Variants in MAN2A1 observed in about 807,000 individuals in gnomAD.
The protein encoded by MAN2A1 is alpha-mannosidase 2.
A neutral mutation model predicts 142.6 loss-of-function variants in MAN2A1; 76 were observed. The observed-to-expected ratio is 0.53, with a 90% CI of 0.44 to 0.65. The LOEUF (loss-of-function observed/expected upper bound fraction) is 0.65, where lower values mean the gene tolerates loss of function less well. Ranked by LOEUF, MAN2A1 falls within the 30% of genes least tolerant of loss-of-function variation. The pLI, the probability that MAN2A1 is intolerant of heterozygous loss-of-function variation, is 0.00. For synonymous variants in MAN2A1, 559 were observed against 473.2 expected (o/e 1.18, Z -2.35); for missense variants, 1,311 against 1,365.1 (o/e 0.96, Z 0.62).
At chr5:109,709,781 G>A (rs1452759650) in intron 1 of MAN2A1, among the ~76,000 whole-genome samples, 3 of 152,164 alleles carry the variant, frequency 2.0e-5, no homozygotes, top group Non-Finnish European at 4.4e-5. Context: ...CCTGAGCGGT[G>A]CAATGCTGTG....
chr5:109,751,207 T>A (rs562062735), intron 4 of MAN2A1, among the ~76,000 whole-genome samples: 1,575 of 142,778 alleles, frequency 0.011, 24 homozygotes, highest in African/African-American at 0.037. Context: ...TGAGATCAAC[T>A]TTTTTTTTTT....
intron 5 of MAN2A1, among the ~76,000 whole-genome samples, chr5:109,764,578 A>T (rs534016665): frequency 6.6e-6 from 1 of 152,106 alleles, no homozygotes; most frequent in Non-Finnish European, 1.5e-5. Flanking sequence ...CACTCCTTTC[A>T]TATCAAAGTT....
intron 12 of MAN2A1, among the ~76,000 whole-genome samples, chr5:109,814,261 G>T (rs977623956): frequency 3.3e-5 from 5 of 152,144 alleles, no homozygotes; most frequent in Non-Finnish European, 7.3e-5. Context: ...ATGATATTAT[G>T]ATATACTGAA....
At chr5:109,753,690 G>T (rs764406997) in intron 4 of MAN2A1, among the ~76,000 whole-genome samples, 9 of 152,064 alleles carry the variant, frequency 5.9e-5, no homozygotes, top group Non-Finnish European at 1.2e-4. Context: ...CATATGCTTT[G>T]TAGGAAAATA....
chr5:109,738,842 T>C (rs1242143955), intron 4 of MAN2A1, among the ~76,000 whole-genome samples: 1 of 152,100 alleles, frequency 6.6e-6, no homozygotes, highest in Non-Finnish European at 1.5e-5. Context: ...GAGACTTTTC[T>C]TTTAGTTTTT....
intron 4 of MAN2A1, among the ~76,000 whole-genome samples, chr5:109,732,532 T>G (rs980267664): frequency 6.6e-5 from 10 of 152,162 alleles, no homozygotes; most frequent in African/African-American, 2.4e-4. Flanking sequence ...CTTGAATTAA[T>G]TTTTGTATAA....
chr5:109,695,492 T>C (rs557801537), intron 1 of MAN2A1, among the ~76,000 whole-genome samples: 84 of 152,258 alleles, frequency 5.5e-4, no homozygotes, highest in Non-Finnish European at 1.0e-3. Context: ...GAGAGTTTCC[T>C]GGAATGAGTG....
intron 1 of MAN2A1, among the ~76,000 whole-genome samples, chr5:109,694,005 C>G (rs1750744780): frequency 6.6e-6 from 1 of 152,200 alleles, no homozygotes; most frequent in South Asian, 2.1e-4. Context: ...AATTAGTCAT[C>G]ACTTCTTACA....
intron 5 of MAN2A1, among the ~76,000 whole-genome samples, chr5:109,763,708 T>C (rs1752915832): frequency 6.6e-6 from 1 of 152,144 alleles, no homozygotes; most frequent in Non-Finnish European, 1.5e-5. Flanking sequence ...TTTTGGAGAC[T>C]GTTTTTACAT....
intron 1 of MAN2A1, among the ~76,000 whole-genome samples, chr5:109,710,412 T>C (rs1751265653): frequency 6.6e-6 from 1 of 152,250 alleles, no homozygotes; most frequent in African/African-American, 2.4e-5. Flanking sequence ...TCTAAAATGA[T>C]CTTTTCCTCA....
chr5:109,801,255 C>T (rs1754023361), intron 12 of MAN2A1, among the ~76,000 whole-genome samples: 1 of 152,144 alleles, frequency 6.6e-6, no homozygotes, highest in Admixed American at 6.5e-5. Context: ...TTCTTGTGAA[C>T]TCAGGATGGT....
In MAN2A1 at chr5:109,837,214, T is replaced by A. The variant is rs531954387; in HGVS notation, c.2567-5114T>A. ...TGCTGTGCAATAGAGTATCTGTCTT[T>A]AATATTAAATATGTATTACTTTCTT... On this transcript the variant is annotated intron_variant, in intron 16 of 21. Transcript: ENST00000261483. Among the ~76,000 whole-genome samples, 173 of 151,380 alleles carry A rather than the reference T, an allele frequency of 1.1e-3. 1 individual carries two copies. The highest frequency in any genetic ancestry group is 4.2e-3 in the African/African-American group (171 of 41,172).
intron 1 of MAN2A1, among the ~76,000 whole-genome samples, chr5:109,704,482 A>T (rs1430932825): frequency 6.6e-6 from 1 of 152,186 alleles, no homozygotes. Flanking sequence ...AAGGTTATTT[A>T]TAACTGGCTT....
chr5:109,809,095 G>A (rs1482125282), intron 12 of MAN2A1, among the ~76,000 whole-genome samples: 2 of 152,058 alleles, frequency 1.3e-5, no homozygotes, highest in Non-Finnish European at 2.9e-5. Flanking sequence ...AATTATAAAT[G>A]CTAGATATAA....
chr5:109,709,491 G>A (rs924909682), intron 1 of MAN2A1, among the ~76,000 whole-genome samples: 3 of 152,184 alleles, frequency 2.0e-5, no homozygotes, highest in Non-Finnish European at 4.4e-5. Context: ...GGCAGGAGAA[G>A]ATACACAGAT....
At chr5:109,860,671 A>C (rs1440712204) in intron 20 of MAN2A1, among the ~76,000 whole-genome samples, 2 of 152,222 alleles carry the variant, frequency 1.3e-5, no homozygotes, top group African/African-American at 4.8e-5. Context: ...TCACATCTTA[A>C]GATCTTCAGT....
At position 109,829,236 on chromosome 5, in the gene MAN2A1, G is replaced by A. The variant is rs562440159; in HGVS notation, c.2566+5399G>A. Among the ~76,000 whole-genome samples the A allele has an allele frequency of 1.2e-3, 177 of 152,076 alleles. 1 individual carries two copies. The highest frequency in any genetic ancestry group is 4.2e-3 in the African/African-American group (175 of 41,482). ...CCATTAAATATTTTTTTAAGATTAGGAAACAAAAAGAAGTCAGGAGGAGCC... is the reference window on the plus strand; with the variant it reads ...CCATTAAATATTTTTTTAAGATTAGAAAACAAAAAGAAGTCAGGAGGAGCC... On this transcript the variant is annotated intron_variant, in intron 16 of 21. Coordinates refer to ENST00000261483, the MANE Select transcript of MAN2A1 (RefSeq NM_002372.4).
chr5:109,715,796 T>C (rs957969520), intron 2 of MAN2A1, among the ~76,000 whole-genome samples: 1 of 152,192 alleles, frequency 6.6e-6, no homozygotes, highest in African/African-American at 2.4e-5. Context: ...ATCAGAAATT[T>C]TTTTCATGGT....
intron 1 of MAN2A1, among the ~76,000 whole-genome samples, chr5:109,696,611 G>T (rs1750819500): frequency 6.6e-6 from 1 of 152,144 alleles, no homozygotes; most frequent in Admixed American, 6.5e-5. Flanking sequence ...CAGCATCCTT[G>T]CTGTCTACCC....
Sources: allele counts gnomAD v4.1 joint callset (sites outside exome capture counted in the v4.1 genomes callset), GRCh38; gene constraint gnomAD v4.1.1; transcripts MANE v1.5; gene names NCBI Gene and HGNC (gene_info 2026-07-23, HGNC 2026-07-21).